Variants in MLLT3 observed in about 807,000 individuals in gnomAD.
MLLT3 encodes the protein protein AF-9.
MLLT3 carries 4 observed loss-of-function variants against 53.2 expected under a neutral mutation model. That is an observed-to-expected ratio of 0.08 (90% CI 0.04 to 0.17). MLLT3 has a LOEUF of 0.17. MLLT3 is among the 10% of genes least tolerant of loss of function. The pLI, the probability that MLLT3 is intolerant of heterozygous loss-of-function variation, is 1.00. For synonymous variants in MLLT3, 283 were observed against 230.6 expected (o/e 1.23, Z -2.06); for missense variants, 569 against 684.0 (o/e 0.83, Z 1.87).
chr9:20,580,224 C>A (rs1483935844), intron 2 of MLLT3, among the ~76,000 whole-genome samples: 1 of 150,306 alleles, frequency 6.7e-6, no homozygotes, highest in Non-Finnish European at 1.5e-5. Context: ...ATTTAATTAG[C>A]ATTAACTCTT....
chr9:20,599,044 G>A (rs976477016), intron 2 of MLLT3, among the ~76,000 whole-genome samples: 14 of 152,110 alleles, frequency 9.2e-5, no homozygotes, highest in African/African-American at 2.9e-4. Context: ...GGTGGCTCAC[G>A]CCTGTAATCC....
intron 2 of MLLT3, among the ~76,000 whole-genome samples, chr9:20,544,678 T>C (rs940695313): frequency 1.3e-5 from 2 of 152,200 alleles, no homozygotes; most frequent in Non-Finnish European, 2.9e-5. Flanking sequence ...ACTATGAACA[T>C]TCCTCAAAAA....
At chr9:20,380,015 C>G (rs1821867985) in intron 5 of MLLT3, among the ~76,000 whole-genome samples, 1 of 151,914 alleles carries the variant, frequency 6.6e-6, no homozygotes, top group Non-Finnish European at 1.5e-5. Context: ...GTAGTATTGC[C>G]CAGTGAGCTA....
intron 5 of MLLT3, among the ~76,000 whole-genome samples, chr9:20,392,603 T>A (rs921265708): frequency 6.6e-6 from 1 of 152,204 alleles, no homozygotes; most frequent in Admixed American, 6.5e-5. Context: ...TACCCTAGCA[T>A]TTCTACTCGA....
intron 4 of MLLT3, among the ~76,000 whole-genome samples, chr9:20,421,830 A>G (rs1159596650): frequency 6.6e-6 from 1 of 152,186 alleles, no homozygotes; most frequent in Non-Finnish European, 1.5e-5. Context: ...TCAACCCATC[A>G]ATTGGCAGAG....
In MLLT3 at chr9:20,360,820, G is replaced by A. The variant is rs760275825; in HGVS notation, c.1353C>T (p.Ser451=). ...RSRRVSLSDG[S]DSESSSASSP... is the part of the protein sequence containing the mutation. ...AAGAAGCAGAACTGCTTTCACTATC[G>A]CTGCCATCACTTAAGCTAACTCTGA... The change falls in exon 8 of 11, where the codon AGC becomes AGT. Residue 451 remains serine (S), a synonymous_variant. Coordinates refer to ENST00000380338, the MANE Select transcript of MLLT3 (RefSeq NM_004529.4). 21 of 1,613,754 alleles carry A rather than the reference G, an allele frequency of 1.3e-5. No homozygotes were observed. The highest frequency in any genetic ancestry group is 5.0e-5 in the Admixed American group (3 of 60,008).
intron 8 of MLLT3, among the ~76,000 whole-genome samples, chr9:20,357,351 T>G (rs1329014597): frequency 6.6e-6 from 1 of 152,124 alleles, no homozygotes; most frequent in East Asian, 1.9e-4. Flanking sequence ...CATCTCTGGT[T>G]GAAATGACGC....
At chr9:20,459,762 C>T (rs557621054) in intron 2 of MLLT3, among the ~76,000 whole-genome samples, 1 of 152,126 alleles carries the variant, frequency 6.6e-6, no homozygotes, top group African/African-American at 2.4e-5. Context: ...TTGCTACGTA[C>T]TAATATTGTA....
At chr9:20,503,648 G>T (rs1397692727) in intron 2 of MLLT3, among the ~76,000 whole-genome samples, 1 of 151,952 alleles carries the variant, frequency 6.6e-6, no homozygotes, top group African/African-American at 2.4e-5. Context: ...TGATTCTTTG[G>T]ATATGACCCC....
chr9:20,499,922 G>A, intron 2 of MLLT3, among the ~76,000 whole-genome samples: 1 of 152,136 alleles, frequency 6.6e-6, no homozygotes, highest in Non-Finnish European at 1.5e-5. Flanking sequence ...TGGGGGAACA[G>A]GTGTTAATGC....
In MLLT3 at chr9:20,365,785, G is replaced by A. The variant is rs1027593634; in HGVS notation, c.1126-41C>T. 3.8e-6 allele frequency: 6 copies of A among 1,599,606 alleles called. No individual in the cohort carries two copies. In the African/African-American group the frequency reaches 8.0e-5, roughly 21 times the overall value. On this transcript the variant is annotated intron_variant, in intron 5 of 10. Coordinates refer to ENST00000380338, the MANE Select transcript of MLLT3 (RefSeq NM_004529.4). ...AAAAGGCACCATCAATAAATTTACG[G>A]GATACCACACATCTAAAGTTGAAAA...
At chr9:20,528,831 A>G (rs969083458) in intron 2 of MLLT3, among the ~76,000 whole-genome samples, 4 of 152,266 alleles carry the variant, frequency 2.6e-5, no homozygotes, top group Non-Finnish European at 5.9e-5. Context: ...TCCAGGTATT[A>G]GGATGTGGAC....
chr9:20,348,689 C>G (rs1356430685), intron 10 of MLLT3, among the ~76,000 whole-genome samples: 1 of 152,110 alleles, frequency 6.6e-6, no homozygotes, highest in Non-Finnish European at 1.5e-5. Flanking sequence ...AAGGAGTGTA[C>G]CCAATTATGG....
At chr9:20,600,660 G>T (rs986737873) in intron 2 of MLLT3, among the ~76,000 whole-genome samples, 1 of 152,140 alleles carries the variant, frequency 6.6e-6, no homozygotes, top group Admixed American at 6.6e-5. Context: ...TTACTCAGAA[G>T]CTTCTGATCC....
intron 2 of MLLT3, among the ~76,000 whole-genome samples, chr9:20,536,433 T>C (rs1214417898): frequency 1.3e-5 from 2 of 151,966 alleles, no homozygotes; most frequent in Non-Finnish European, 2.9e-5. Context: ...GCAAAAAGAG[T>C]ATACTGGGAT....
At chr9:20,465,331 G>A (rs1453104177) in intron 2 of MLLT3, among the ~76,000 whole-genome samples, 1 of 152,086 alleles carries the variant, frequency 6.6e-6, no homozygotes, top group Non-Finnish European at 1.5e-5. Context: ...ATTTTCAACT[G>A]AAATAGATGG....
chr9:20,432,112 G>A (rs1004135355), intron 4 of MLLT3, among the ~76,000 whole-genome samples: 4 of 152,098 alleles, frequency 2.6e-5, no homozygotes, highest in African/African-American at 9.7e-5. Flanking sequence ...TTCTAGTCTA[G>A]GAAGAGAAAT....
intron 2 of MLLT3, among the ~76,000 whole-genome samples, chr9:20,505,141 T>C (rs1825352810): frequency 6.6e-6 from 1 of 152,118 alleles, no homozygotes; most frequent in African/African-American, 2.4e-5. Flanking sequence ...AAGCATCCTG[T>C]CAAAATGAGA....
chr9:20,614,896 CAAGAGAAGGA>C (rs574217979), intron 2 of MLLT3, among the ~76,000 whole-genome samples: 68,941 of 151,736 alleles, frequency 0.45, 16,795 homozygotes, highest in Middle Eastern at 0.56. Flanking sequence ...TTCAAAGAAC[CAAGAGAAGGA>C]ACAAAGGACC....
Sources: gnomAD v4.1 joint callset for allele counts (sites outside exome capture counted in the v4.1 genomes callset) on GRCh38, gnomAD v4.1.1 for gene constraint, MANE v1.5 for transcripts, NCBI Gene and HGNC (gene_info 2026-07-23, HGNC 2026-07-21) for gene names.